MTX3: variants seen among roughly 807,000 people sequenced by gnomAD.
MTX3 encodes metaxin 3, also known as metaxin-3.
Under a neutral mutation model 42.5 loss-of-function variants are expected in MTX3, and 27 were observed. The observed-to-expected ratio is 0.64, with a 90% CI of 0.47 to 0.88. The LOEUF is 0.88. MTX3 is among the 40% of genes least tolerant of loss of function. The probability of loss-of-function intolerance (pLI) is 0.00; values close to 1 mark genes in which losing one functional copy is unlikely to be tolerated. For missense variants in MTX3, 378 were observed against 367.0 expected, an observed-to-expected ratio of 1.03 and a Z score of -0.25; for synonymous variants, 144 against 132.9, an observed-to-expected ratio of 1.08 and a Z score of -0.57.
chr5:79,984,169 T>A (rs1831437550), intron 8 of MTX3, among the ~76,000 whole-genome samples: 1 of 152,184 alleles, frequency 6.6e-6, no homozygotes, highest in Non-Finnish European at 1.5e-5. Context: ...TCTTATTTGA[T>A]CTTCCCGATA....
chr5:79,985,227 C>T (rs1580885167), intron 8 of MTX3, among the ~76,000 whole-genome samples: 3 of 152,074 alleles, frequency 2.0e-5, no homozygotes, highest in Admixed American at 1.3e-4. Context: ...ATGATCTGCC[C>T]GCCTCGGCCT....
intron 1 of MTX3, chr5:79,990,942 C>T: frequency 1.4e-6 from 1 of 715,336 alleles, no homozygotes; most frequent in Non-Finnish European, 2.5e-6. Flanking sequence ...GGACAAAACT[C>T]GGAGCCAAGC....
chr5:79,986,128 G>A (rs568487507), intron 7 of MTX3, among the ~76,000 whole-genome samples: 1 of 152,198 alleles, frequency 6.6e-6, no homozygotes, highest in South Asian at 2.1e-4. Flanking sequence ...TAGGATTGAT[G>A]CCTAAAAGAT....
Position 79,983,353 on chromosome 5 carries a change from A to C in MTX3, c.*331T>G. On this transcript the variant is annotated 3_prime_UTR_variant, in exon 9 of 9. Transcript: ENST00000512528. ...AAATAAATTAGGAGTGCACATTCAG[A>C]ACAGAATTGTAGCCTTTGGTCAGCA... The C allele has an allele frequency of 3.9e-6, 1 of 255,458 alleles. No homozygotes were observed. Among genetic ancestry groups the C allele is most frequent in the Non-Finnish European group, 7.5e-6 (1 of 132,852 alleles). The allele number at this position is 255,458 out of a possible 1,614,324, so 15.8% of individuals were successfully genotyped here.
At chr5:79,983,977 G>A (rs1198741286) in intron 8 of MTX3, among the ~76,000 whole-genome samples, 183 bp from the exon 9 acceptor site, 1 of 152,060 alleles carries the variant, frequency 6.6e-6, no homozygotes, top group Non-Finnish European at 1.5e-5. Context: ...AATACCAGCT[G>A]ACTCAGTTTC....
rs1554046804 is a variant in MTX3 at position 79,985,940 on chromosome 5, G to GGA, written c.740-282_740-281insTC. On this transcript the variant is annotated intron_variant, in intron 7 of 8. Transcript: ENST00000512528. ...CAATAATTAGTTTTTTTTTTTTTTT[G>GGA]AAAAAAAAAGCACAGTAGTCCTCAT... 6.3e-5 allele frequency among the ~76,000 whole-genome samples: 8 copies of GGA among 127,728 alleles called. No individual in the cohort carries two copies. In the East Asian group the frequency reaches 1.6e-3, roughly 25 times the overall value. 83.8% of individuals were successfully genotyped at this position (127,728 alleles called of 152,430 possible). A position where few individuals can be genotyped will look rare whatever the true frequency, so the allele number is the denominator to read the frequency against.
chr5:79,988,613 T>G lies in MTX3; in HGVS notation c.353A>C (p.Tyr118Ser). The G allele has an allele frequency of 1.3e-6, 2 of 1,596,226 alleles. No individual in the cohort carries two copies. Among genetic ancestry groups the G allele is most frequent in the Non-Finnish European group, 1.7e-6 (2 of 1,170,818 alleles). The change falls in exon 5 of 9, where the codon TAC becomes TCC. Residue 118 changes from tyrosine (Y) to serine (S), a missense_variant. By Grantham distance (144) the Tyr-to-Ser change is moderately radical (BLOSUM62 -2). Transcript: ENST00000512528. The part of the protein sequence containing the change: ...LHTFWVESDN[Y>S]FTVTKPWFAS... ...AAACCATGGCTTTGTCACAGTAAAG[T>G]AATTGTCACTCTCAACCCAGAATGT...
chr5:79,983,452 C>T lies in MTX3; in HGVS notation c.*232G>A. 1 of 531,156 alleles carries T rather than the reference C, an allele frequency of 1.9e-6. No individual in the cohort carries two copies. The highest frequency in any genetic ancestry group is 3.3e-6 in the Non-Finnish European group (1 of 298,644). The allele number at this position is 531,156 out of a possible 1,614,324, so 32.9% of individuals were successfully genotyped here. A position where few individuals can be genotyped will look rare whatever the true frequency, so the allele number is the denominator to read the frequency against. ...TATACAGTACGATGTGTTTTTCTTCCCCGCCCCCCCAACCAAGTTCATTTA... is the reference window on the plus strand; with the variant it reads ...TATACAGTACGATGTGTTTTTCTTCTCCGCCCCCCCAACCAAGTTCATTTA... On this transcript the variant is annotated 3_prime_UTR_variant, in exon 9 of 9. Transcript: ENST00000512528.
In MTX3 at chr5:79,976,747, A is replaced by G. The variant is rs779698202; in HGVS notation, c.*6937T>C. 2.6e-5 allele frequency: 4 copies of G among 152,644 alleles called. No individual in the cohort carries two copies. The highest frequency in any genetic ancestry group is 4.4e-5 in the Non-Finnish European group (3 of 68,034). The allele number at this position is 152,644 out of a possible 1,614,324, so 9.5% of individuals were successfully genotyped here. A position where few individuals can be genotyped will look rare whatever the true frequency, so the allele number is the denominator to read the frequency against. On this transcript the variant is annotated 3_prime_UTR_variant, in exon 9 of 9. Coordinates refer to ENST00000512528, the MANE Select transcript of MTX3 (RefSeq NM_001363818.2). ...AGCAGTCAGGAGATTTGAGATTTTTATTGAGAAAATAGCTATTTTGACATT... is the reference window on the plus strand; with the variant it reads ...AGCAGTCAGGAGATTTGAGATTTTTGTTGAGAAAATAGCTATTTTGACATT...
rs1410603443 is a variant in MTX3, at chr5:79,991,194, TC to T, written c.44del (p.Gly15AspfsTer12). On this transcript the variant is annotated frameshift_variant, in exon 1 of 9. Coordinates refer to ENST00000512528, the MANE Select transcript of MTX3 (RefSeq NM_001363818.2). LOFTEE classifies it high-confidence loss of function. ...LELSCWGGGW[G>X]LPSVHSESLV... ...GGGACTCGCTGTGAACCGATGGGAG[TC>T]CCCAGCCGCCTCCCCAGCAACTGAG... 1 of 1,487,812 alleles carries T rather than the reference TC, an allele frequency of 6.7e-7. No individual in the cohort carries two copies. Among genetic ancestry groups the T allele is most frequent in the Non-Finnish European group, 9.0e-7 (1 of 1,112,820 alleles). The allele number at this position is 1,487,812 out of a possible 1,614,324, so 92.2% of individuals were successfully genotyped here.
At chr5:79,990,086 A>T in intron 3 of MTX3, 74 bp downstream of exon 3, 1 of 897,616 alleles carries the variant, frequency 1.1e-6, no homozygotes, top group Non-Finnish European at 1.6e-6. Flanking sequence ...AAAAAAAAAT[A>T]AATAAATAAA....
At position 79,983,740 on chromosome 5, in the gene MTX3, G is replaced by C; in HGVS notation, c.883C>G (p.Leu295Val). Residue 295 changes from leucine (L) to valine (V), a missense_variant, in exon 9 of 9, where the codon CTT becomes GTT. Physicochemically the swap from Leu to Val is conservative, Grantham distance 32 (BLOSUM62 1). Transcript: ENST00000512528. ...TCTTCTTCTGCTGGAGTCAATTTAA[G>C]TGTTGGCAGTTTCCGAGGAGGAAGC... ...PQLPPRKLPT[L>V]KLTPAEEENN... The C allele has an allele frequency of 6.2e-7, 1 of 1,613,956 alleles. No individual in the cohort carries two copies. The highest frequency in any genetic ancestry group is 8.5e-7 in the Non-Finnish European group (1 of 1,179,876).
chr5:79,977,608 G>A lies in MTX3; in HGVS notation c.*6076C>T, dbSNP rs1445944006. 6.6e-6 allele frequency: 1 copy of A among 152,204 alleles called. No individual in the cohort carries two copies. Among genetic ancestry groups the A allele is most frequent in the South Asian group, 2.1e-4 (1 of 4,836 alleles). The allele number at this position is 152,204 out of a possible 1,614,324, so 9.4% of individuals were successfully genotyped here. Reference sequence around the variant, plus strand: ...CAAAATGCCTCCTTACACACGATTAGTAATCTGGTTTTAGACTCTGAAGTG... The same window carrying A: ...CAAAATGCCTCCTTACACACGATTAATAATCTGGTTTTAGACTCTGAAGTG... On this transcript the variant is annotated 3_prime_UTR_variant, in exon 9 of 9. Transcript: ENST00000512528.
At position 79,981,367 on chromosome 5, in the gene MTX3, A is replaced by G. The variant is rs1406195935; in HGVS notation, c.*2317T>C. The G allele has an allele frequency of 6.6e-6, 1 of 152,180 alleles. No individual in the cohort carries two copies. Among genetic ancestry groups the G allele is most frequent in the African/African-American group, 2.4e-5 (1 of 41,434 alleles). 9.4% of individuals were successfully genotyped at this position (152,180 alleles called of 1,614,324 possible). A position where few individuals can be genotyped will look rare whatever the true frequency, so the allele number is the denominator to read the frequency against. On this transcript the variant is annotated 3_prime_UTR_variant, in exon 9 of 9. Coordinates refer to ENST00000512528, the MANE Select transcript of MTX3 (RefSeq NM_001363818.2). Reference sequence around the variant, plus strand: ...AAAAGGTGATCTGGAAGCATTATGGACTATAGTGAGAATGTAAGGCTAACA... The same window carrying G: ...AAAAGGTGATCTGGAAGCATTATGGGCTATAGTGAGAATGTAAGGCTAACA...
rs1281882203 is a variant in MTX3, at chr5:79,989,259, T to A, written c.229-15A>T. On this transcript the variant is annotated splice_polypyrimidine_tract_variant and intron_variant, in intron 3 of 8. Transcript: ENST00000512528. ...GCATTATATTTCTATTAAAAAAAAA[T>A]AAACCAAAGAAACTCAGAAGTCAAA... 1.3e-6 allele frequency: 2 copies of A among 1,499,508 alleles called. No homozygotes were observed. The highest frequency in any genetic ancestry group is 1.8e-6 in the Non-Finnish European group (2 of 1,103,046). The allele number at this position is 1,499,508 out of a possible 1,614,324, so 92.9% of individuals were successfully genotyped here.
At position 79,980,734 on chromosome 5, in the gene MTX3, T is replaced by A. The variant is rs1186799492; in HGVS notation, c.*2950A>T. ...CCTCCACCATTACTTCCAAAAGGCA[T>A]TGGCTCACAGTATTCTGTTTAAGAT... On this transcript the variant is annotated 3_prime_UTR_variant, in exon 9 of 9. Coordinates refer to ENST00000512528, the MANE Select transcript of MTX3 (RefSeq NM_001363818.2). 6.6e-6 allele frequency: 1 copy of A among 152,196 alleles called. No individual in the cohort carries two copies. The highest frequency in any genetic ancestry group is 1.5e-5 in the Non-Finnish European group (1 of 68,034). The allele number at this position is 152,196 out of a possible 1,614,324, so 9.4% of individuals were successfully genotyped here.
chr5:79,986,927 T>C lies in MTX3; in HGVS notation c.739+23A>G, dbSNP rs746233721. On this transcript the variant is annotated intron_variant, in intron 7 of 8. Coordinates refer to ENST00000512528, the MANE Select transcript of MTX3 (RefSeq NM_001363818.2). ...CATAGGAGAATATGCAAACAAACAT[T>C]AGCTGAAAAAGAGCCAGCTTACCTC... 1.9e-6 allele frequency: 3 copies of C among 1,606,540 alleles called. No individual in the cohort carries two copies. In the Admixed American group the frequency reaches 5.1e-5, roughly 27 times the overall value.
At chr5:79,986,915 GCAAA>G (rs1436067084) in intron 7 of MTX3, 31 bp downstream of exon 7, 1 of 1,601,170 alleles carries the variant, frequency 6.2e-7, no homozygotes, top group African/African-American at 1.3e-5. Context: ...AGGAGAATAT[GCAAA>G]CAAACATTAG....
Position 79,991,150 on chromosome 5 carries a change from G to A in MTX3, c.81+8C>T. On this transcript the variant is annotated splice_region_variant and intron_variant, in intron 1 of 8. Transcript: ENST00000512528. ...CCTCCTGCGCCCTGGCCCGCGAGGC[G>A]GCCTCACCATCACCACCAGGGACTC... The A allele has an allele frequency of 2.6e-6, 4 of 1,543,980 alleles. No individual in the cohort carries two copies. The highest frequency in any genetic ancestry group is 3.5e-6 in the Non-Finnish European group (4 of 1,142,834).
Sources: gnomAD v4.1 joint callset for allele counts (sites outside exome capture counted in the v4.1 genomes callset) on GRCh38, gnomAD v4.1.1 for gene constraint, MANE v1.5 for transcripts, NCBI Gene and HGNC (gene_info 2026-07-23, HGNC 2026-07-21) for gene names.